Variants in CHL1 observed in about 807,000 individuals in gnomAD.
CHL1 encodes cell adhesion molecule L1 like.
CHL1 carries 96 observed loss-of-function variants against 141.9 expected under a neutral mutation model. That is an observed-to-expected ratio of 0.68 (90% CI 0.57 to 0.80). The LOEUF (loss-of-function observed/expected upper bound fraction) is 0.80, where lower values mean the gene tolerates loss of function less well. CHL1 is among the 30% of genes least tolerant of loss of function. The pLI is 0.00. For missense variants in CHL1, 1,820 were observed against 1,457.2 expected (o/e 1.25, Z -4.05); for synonymous variants, 613 against 502.2 (o/e 1.22, Z -2.95).
chr3:388,551 A>G (rs1398631244), intron 19 of CHL1, among the ~76,000 whole-genome samples: 1 of 570 alleles, frequency 1.8e-3, no homozygotes, highest in Non-Finnish European at 0.25. Context: ...CCGTCTCAAG[A>G]AAAAAAAAAA....
intron 2 of CHL1, among the ~76,000 whole-genome samples, chr3:269,401 C>T (rs1274715736): frequency 6.6e-6 from 1 of 152,098 alleles, no homozygotes; most frequent in African/African-American, 2.4e-5. Context: ...TGTTTCTGTG[C>T]CAATGTTGGG....
At position 321,467 on chromosome 3, in the gene CHL1, A is replaced by G. The variant is rs540909672; in HGVS notation, c.91+1600A>G. On this transcript the variant is annotated intron_variant, in intron 3 of 27. Coordinates refer to ENST00000256509, the MANE Select transcript of CHL1 (RefSeq NM_006614.4). Reference sequence around the variant, plus strand: ...CTTTTGCTTTGAGTATGCAGTAGCAAGTTAAGAGCAAGCTTCTTGGTAATC... The same window carrying G: ...CTTTTGCTTTGAGTATGCAGTAGCAGGTTAAGAGCAAGCTTCTTGGTAATC... 3.3e-5 allele frequency among the ~76,000 whole-genome samples: 5 copies of G among 152,206 alleles called. No individual in the cohort carries two copies. In the East Asian group the frequency reaches 9.7e-4, roughly 29 times the overall value.
intron 2 of CHL1, among the ~76,000 whole-genome samples, chr3:300,143 AC>A (rs1349019837): frequency 6.6e-6 from 1 of 152,238 alleles, no homozygotes; most frequent in Admixed American, 6.5e-5. Flanking sequence ...GGAGTGGCAA[AC>A]ATAGATCAAT....
At chr3:283,464 A>G (rs200570350) in intron 2 of CHL1, among the ~76,000 whole-genome samples, 2 of 152,226 alleles carry the variant, frequency 1.3e-5, no homozygotes, top group African/African-American at 4.8e-5. Context: ...TGAAGTACTT[A>G]TTCATCCATC....
chr3:242,938 T>C (rs1380654921), intron 1 of CHL1, among the ~76,000 whole-genome samples: 2 of 152,162 alleles, frequency 1.3e-5, no homozygotes, highest in African/African-American at 2.4e-5. Flanking sequence ...TCTGTTGTCA[T>C]GAATGTCCTT....
chr3:282,743 T>C (rs1201505523), intron 2 of CHL1: 2 of 152,230 alleles, frequency 1.3e-5, no homozygotes, highest in Admixed American at 6.5e-5. Flanking sequence ...AGGACCATAG[T>C]AACCTTCCCT....
Position 389,167 on chromosome 3 carries a change from C to G in CHL1, c.2248-85C>G, listed in dbSNP as rs531248975. Reference sequence around the variant, plus strand: ...CAAATGACCATTTCATTACATTGTTCCTTATTCCACTTAGGGTGGTTCACC... The same window carrying G: ...CAAATGACCATTTCATTACATTGTTGCTTATTCCACTTAGGGTGGTTCACC... On this transcript the variant is annotated intron_variant, in intron 19 of 27. Transcript: ENST00000256509. The G allele has an allele frequency of 6.5e-5, 66 of 1,013,960 alleles. No homozygotes were observed. In the Admixed American group the frequency reaches 1.0e-3, roughly 15 times the overall value. The allele number at this position is 1,013,960 out of a possible 1,614,324, so 62.8% of individuals were successfully genotyped here.
intron 1 of CHL1, among the ~76,000 whole-genome samples, chr3:205,949 C>G (rs1308214347): frequency 6.6e-6 from 1 of 152,210 alleles, no homozygotes; most frequent in East Asian, 1.9e-4. Flanking sequence ...AGTCAGAATT[C>G]AAACTCAGAA....
chr3:382,101 T>C, intron 16 of CHL1, 78 bp from the exon 17 acceptor site: 2 of 1,223,550 alleles, frequency 1.6e-6, no homozygotes, highest in South Asian at 2.7e-5. Context: ...TGTCTCCGGG[T>C]AGCTGGCAAT....
At chr3:314,882 A>G (rs392670) in intron 2 of CHL1, among the ~76,000 whole-genome samples, 11 of 151,998 alleles carry the variant, frequency 7.2e-5, no homozygotes, top group Admixed American at 2.6e-4. Context: ...TATTACAGAG[A>G]GTGTGACCAC....
chr3:349,064 G>C (rs1337104377), intron 9 of CHL1, among the ~76,000 whole-genome samples: 1 of 152,074 alleles, frequency 6.6e-6, no homozygotes, highest in Admixed American at 6.6e-5. Context: ...TTTTTCCTTC[G>C]CTCAGCCACA....
intron 5 of CHL1, among the ~76,000 whole-genome samples, chr3:331,554 T>G (rs999884937): frequency 2.0e-5 from 3 of 152,178 alleles, no homozygotes; most frequent in African/African-American, 7.2e-5. Flanking sequence ...GGATGATTTC[T>G]TTAGTCATAT....
At chr3:357,922 G>A (rs1404931873) in intron 11 of CHL1, among the ~76,000 whole-genome samples, 1 of 152,174 alleles carries the variant, frequency 6.6e-6, no homozygotes, top group Non-Finnish European at 1.5e-5. Flanking sequence ...GGGTGTGGAA[G>A]TGAAGAGTGG....
At chr3:235,646 A>C (rs961589673) in intron 1 of CHL1, among the ~76,000 whole-genome samples, 1 of 152,212 alleles carries the variant, frequency 6.6e-6, no homozygotes, top group Non-Finnish European at 1.5e-5. Context: ...TTGCAGAATT[A>C]CTACCACAAA....
intron 2 of CHL1, among the ~76,000 whole-genome samples, chr3:314,470 C>A (rs1005220628): frequency 9.9e-5 from 15 of 151,084 alleles, no homozygotes; most frequent in Admixed American, 6.0e-4. Context: ...AACACTGATT[C>A]AATAAAGGAA....
chr3:367,655 T>A (rs1307609350), intron 15 of CHL1, among the ~76,000 whole-genome samples: 2 of 152,202 alleles, frequency 1.3e-5, no homozygotes, highest in Non-Finnish European at 2.9e-5. Flanking sequence ...ATTTCTTTTT[T>A]TAATTTTTGT....
At position 264,873 on chromosome 3, in the gene CHL1, C is replaced by T. The variant is rs553875957; in HGVS notation, c.-95+20181C>T. ...TGTAAACATTCCTTTCCAGTCATTG[C>T]TTCCTGGTCAGTCATAGAGACCACT... On this transcript the variant is annotated intron_variant, in intron 2 of 27. Transcript: ENST00000256509. Among the ~76,000 whole-genome samples the T allele has an allele frequency of 2.0e-5, 3 of 152,304 alleles. No individual in the cohort carries two copies. The South Asian group carries it at 6.2e-4, about 32-fold the overall frequency.
At chr3:396,018 A>G (rs1474518620) in intron 24 of CHL1, among the ~76,000 whole-genome samples, 1 of 152,190 alleles carries the variant, frequency 6.6e-6, no homozygotes, top group Non-Finnish European at 1.5e-5. Flanking sequence ...TATTGTGCCT[A>G]CTATATCTAA....
intron 12 of CHL1, among the ~76,000 whole-genome samples, 177 bp from the exon 13 acceptor site, chr3:361,521 AC>A (rs1312411917): frequency 6.6e-6 from 1 of 152,210 alleles, no homozygotes; most frequent in Admixed American, 6.5e-5. Flanking sequence ...AAACAAATTT[AC>A]AAGAAATTGT....
Sources: gnomAD v4.1 joint callset for allele counts (sites outside exome capture counted in the v4.1 genomes callset) on GRCh38, gnomAD v4.1.1 for gene constraint, MANE v1.5 for transcripts, NCBI Gene and HGNC (gene_info 2026-07-23, HGNC 2026-07-21) for gene names.